The following LIPC variants were observed in gnomAD, a reference collection of about 807,000 sequenced individuals.
LIPC encodes the protein hepatic triacylglycerol lipase.
Under a neutral mutation model 50.7 loss-of-function variants are expected in LIPC, and 44 were observed. The ratio of observed to expected loss-of-function variants is 0.87; its 90% CI spans 0.68 to 1.11. The LOEUF (loss-of-function observed/expected upper bound fraction) is 1.11. LIPC is among the 50% of genes most tolerant of loss of function. The pLI is 0.00. For synonymous variants in LIPC, 271 were observed against 256.4 expected (o/e 1.06, Z -0.54); for missense variants, 697 against 648.2 (o/e 1.08, Z -0.82).
At chr15:58,509,959 TAAA>T (rs3052269) in intron 1 of LIPC, among the ~76,000 whole-genome samples, 506 of 151,148 alleles carry the variant, frequency 3.3e-3, no homozygotes, top group African/African-American at 0.012. Context: ...ATTGAATCAT[TAAA>T]AAAAAAAAGA....
intron 1 of LIPC, among the ~76,000 whole-genome samples, chr15:58,482,501 T>C (rs1315870568): frequency 6.6e-6 from 1 of 152,162 alleles, no homozygotes; most frequent in Non-Finnish European, 1.5e-5. Context: ...TATGGCTTCA[T>C]CCATAAAATG....
intron 1 of LIPC, chr15:58,435,225 A>G (rs1240126313): frequency 6.6e-6 from 1 of 152,244 alleles, no homozygotes; most frequent in Non-Finnish European, 1.5e-5. Flanking sequence ...AATGTTGCAA[A>G]TCTCTCTAAT....
chr15:58,479,571 T>C (rs1282206705), intron 1 of LIPC, among the ~76,000 whole-genome samples: 1 of 152,258 alleles, frequency 6.6e-6, no homozygotes, highest in Non-Finnish European at 1.5e-5. Flanking sequence ...GCTGGGTCCA[T>C]GTGATTTCCT....
At chr15:58,556,277 C>A (rs562353159) in intron 6 of LIPC, among the ~76,000 whole-genome samples, 6 of 152,182 alleles carry the variant, frequency 3.9e-5, no homozygotes, top group East Asian at 1.9e-4. Flanking sequence ...GTGTGCTGTG[C>A]CCTTGTGGAG....
intron 1 of LIPC, among the ~76,000 whole-genome samples, chr15:58,439,504 C>T (rs1893430279): frequency 6.6e-6 from 1 of 152,182 alleles, no homozygotes; most frequent in African/African-American, 2.4e-5. Context: ...AGTGCAGTGG[C>T]ACAGTCTTGG....
At chr15:58,523,461 C>T (rs1466122401) in intron 1 of LIPC, 4 of 152,238 alleles carry the variant, frequency 2.6e-5, no homozygotes, top group African/African-American at 7.2e-5. Context: ...AGAAGACAGA[C>T]GAGGTGAGTG....
rs765297561 is a variant in LIPC at position 58,486,089 on chromosome 15, T to C, written c.89-52244T>C. Among the ~76,000 whole-genome samples the C allele has an allele frequency of 5.4e-4, 82 of 152,326 alleles. 1 individual carries two copies. The highest frequency in any genetic ancestry group is 4.4e-4 in the Non-Finnish European group (30 of 68,036). On this transcript the variant is annotated intron_variant, in intron 1 of 8. Transcript: ENST00000299022. ...AAGAAAAAGCTGTGTGTCTCTACCA[T>C]GCTGGTGAATCCATGCTGCTCCTTG... is the stretch of plus-strand genomic sequence containing the variant.
intron 1 of LIPC, among the ~76,000 whole-genome samples, chr15:58,444,967 C>T (rs1893639722): frequency 6.6e-6 from 1 of 152,214 alleles, no homozygotes; most frequent in Non-Finnish European, 1.5e-5. Flanking sequence ...CTTACAAATA[C>T]ACAGGAAATT....
intron 1 of LIPC, among the ~76,000 whole-genome samples, chr15:58,499,103 T>C (rs2140832595): frequency 6.6e-6 from 1 of 152,268 alleles, no homozygotes; most frequent in African/African-American, 2.4e-5. Context: ...GGAGAGACAG[T>C]GCCTGCCAGT....
At chr15:58,547,853 G>A (rs1279784280) in intron 5 of LIPC, among the ~76,000 whole-genome samples, 4 of 152,024 alleles carry the variant, frequency 2.6e-5, no homozygotes, top group Non-Finnish European at 5.9e-5. Context: ...AGAGTGCCAC[G>A]GGATTGTCTC....
intron 1 of LIPC, among the ~76,000 whole-genome samples, chr15:58,448,261 G>A (rs1194617192): frequency 1.3e-5 from 2 of 152,164 alleles, no homozygotes; most frequent in African/African-American, 4.8e-5. Flanking sequence ...TCTGCCAAAA[G>A]GTTTCTAAGC....
intron 6 of LIPC, among the ~76,000 whole-genome samples, chr15:58,557,020 G>A (rs1893977004): frequency 6.6e-6 from 1 of 152,118 alleles, no homozygotes; most frequent in African/African-American, 2.4e-5. Context: ...AATATTTCAG[G>A]TGTTTTCAGT....
intron 4 of LIPC, 52 bp from the exon 5 acceptor site, chr15:58,545,690 C>A: frequency 6.8e-7 from 1 of 1,479,206 alleles, no homozygotes; most frequent in Non-Finnish European, 9.4e-7. Flanking sequence ...AAGCACATCT[C>A]TCTTCCCCTC....
intron 1 of LIPC, among the ~76,000 whole-genome samples, chr15:58,495,443 C>A (rs8029789): frequency 6.6e-6 from 1 of 152,222 alleles, no homozygotes; most frequent in Non-Finnish European, 1.5e-5. Context: ...TAACCATATG[C>A]TCTAGGCATT....
intron 1 of LIPC, among the ~76,000 whole-genome samples, chr15:58,532,156 G>A (rs759340007): frequency 1.6e-4 from 24 of 152,320 alleles, no homozygotes; most frequent in African/African-American, 5.8e-4. Flanking sequence ...CAAGATGGTG[G>A]GAGTGGGAGA....
chr15:58,465,456 A>G (rs1894519518), intron 1 of LIPC, among the ~76,000 whole-genome samples: 1 of 152,228 alleles, frequency 6.6e-6, no homozygotes, highest in South Asian at 2.1e-4. Flanking sequence ...ACAACAGAAA[A>G]AAATTTAAAT....
intron 1 of LIPC, among the ~76,000 whole-genome samples, chr15:58,469,598 C>T (rs1894709518): frequency 6.7e-6 from 1 of 148,340 alleles, no homozygotes; most frequent in African/African-American, 2.4e-5. Flanking sequence ...GCTGCCCATT[C>T]ACCCAGTCAC....
intron 8 of LIPC, among the ~76,000 whole-genome samples, chr15:58,567,349 ATATATATATGTATATG>A (rs1386304744): frequency 0.011 from 188 of 16,798 alleles, 1 homozygote; most frequent in African/African-American, 0.023. Context: ...GTATATGTAT[ATATATATATGTATATG>A]TATATATATA....
chr15:58,554,734 G>A (rs1319981330), intron 6 of LIPC, among the ~76,000 whole-genome samples: 3 of 152,100 alleles, frequency 2.0e-5, no homozygotes, highest in Non-Finnish European at 4.4e-5. Context: ...CTCTACAAAA[G>A]AGGAGGAGGA....
Sources: gnomAD v4.1 joint callset for allele counts (sites outside exome capture counted in the v4.1 genomes callset) on GRCh38, gnomAD v4.1.1 for gene constraint, MANE v1.5 for transcripts, NCBI Gene and HGNC (gene_info 2026-07-23, HGNC 2026-07-21) for gene names.